SPOCK3: variants seen among roughly 807,000 people sequenced by gnomAD.
SPOCK3 encodes the protein SPARC (osteonectin), cwcv and kazal like domains proteoglycan 3.
A neutral mutation model predicts 56.6 loss-of-function variants in SPOCK3; 30 were observed. The ratio of observed to expected loss-of-function variants is 0.53; its 90% CI spans 0.40 to 0.72. SPOCK3 has a LOEUF of 0.72. SPOCK3 is among the 30% of genes least tolerant of loss of function. The pLI, the probability that SPOCK3 is intolerant of heterozygous loss-of-function variation, is 0.00. For missense variants in SPOCK3, 527 were observed against 530.0 expected, an observed-to-expected ratio of 0.99 and a Z score of 0.06; for synonymous variants, 196 against 183.3, an observed-to-expected ratio of 1.07 and a Z score of -0.56.
chr4:167,048,441 T>G (rs1410830801), intron 3 of SPOCK3, among the ~76,000 whole-genome samples: 1 of 152,124 alleles, frequency 6.6e-6, no homozygotes, highest in East Asian at 1.9e-4. Context: ...ATATATATTA[T>G]TACATAGTAT....
At chr4:167,062,301 CATG>C (rs1212953745) in intron 3 of SPOCK3, among the ~76,000 whole-genome samples, 188 bp downstream of exon 3, 19 of 151,814 alleles carry the variant, frequency 1.3e-4, no homozygotes, top group Admixed American at 3.3e-4. Flanking sequence ...CTGACATAAT[CATG>C]ATAACTAATT....
chr4:166,847,812 A>G (rs1438516968), intron 6 of SPOCK3, among the ~76,000 whole-genome samples: 2 of 151,554 alleles, frequency 1.3e-5, no homozygotes, highest in Non-Finnish European at 2.9e-5. Context: ...TCTATATACA[A>G]TGAAATAAAA....
At chr4:166,859,035 AC>A (rs1401518518) in intron 6 of SPOCK3, among the ~76,000 whole-genome samples, 1 of 152,294 alleles carries the variant, frequency 6.6e-6, no homozygotes, top group Non-Finnish European at 1.5e-5. Context: ...ACAATGCTTT[AC>A]CTTTTTTATC....
At chr4:166,764,396 T>C (rs1335054734) in intron 7 of SPOCK3, among the ~76,000 whole-genome samples, 1 of 152,036 alleles carries the variant, frequency 6.6e-6, no homozygotes, top group Non-Finnish European at 1.5e-5. Flanking sequence ...TGTGTCCAAG[T>C]GTTCTCATCG....
intron 2 of SPOCK3, among the ~76,000 whole-genome samples, chr4:167,073,030 A>G (rs1756833078): frequency 6.6e-6 from 1 of 151,730 alleles, no homozygotes. Flanking sequence ...ATATTTCCAT[A>G]TTTATTTTGC....
chr4:167,011,984 CCATT>C (rs1245531251), intron 3 of SPOCK3, among the ~76,000 whole-genome samples: 4 of 151,776 alleles, frequency 2.6e-5, no homozygotes, highest in Non-Finnish European at 5.9e-5. Context: ...TTTCTACTCT[CCATT>C]CATTCTTTTA....
At chr4:166,836,331 T>A (rs1746620835) in intron 6 of SPOCK3, among the ~76,000 whole-genome samples, 1 of 152,222 alleles carries the variant, frequency 6.6e-6, no homozygotes, top group East Asian at 1.9e-4. Context: ...ATCATTTTTT[T>A]CAGCTTTCTA....
chr4:167,212,959 G>A (rs148730927), intron 2 of SPOCK3, among the ~76,000 whole-genome samples: 65 of 152,242 alleles, frequency 4.3e-4, no homozygotes, highest in African/African-American at 1.5e-3. Context: ...ATTTGTCCAC[G>A]TGCCTTTAAG....
intron 4 of SPOCK3, among the ~76,000 whole-genome samples, chr4:166,925,180 T>C (rs927132016): frequency 6.6e-6 from 1 of 152,138 alleles, no homozygotes; most frequent in Non-Finnish European, 1.5e-5. Context: ...AATAAAACAT[T>C]TGTATGAACA....
rs952238662 is a variant in SPOCK3, at chr4:166,776,011, A to G, written c.709+16159T>C. ...GCCCCAAATGCTCAATAAAGGATAC[A>G]ACACATGAGGTAAAATTTGAAAATC... On this transcript the variant is annotated intron_variant, in intron 7 of 10. Transcript: ENST00000357545. Among the ~76,000 whole-genome samples, 9 of 152,320 alleles carry G rather than the reference A, an allele frequency of 5.9e-5. 1 individual carries two copies. The highest frequency in any genetic ancestry group is 2.2e-4 in the African/African-American group (9 of 41,586).
chr4:167,175,094 G>A lies in SPOCK3; in HGVS notation c.189+58891C>T, dbSNP rs559400683. On this transcript the variant is annotated intron_variant, in intron 2 of 10. Coordinates refer to ENST00000357545, the MANE Select transcript of SPOCK3 (RefSeq NM_001040159.2). ...GGATGCTCAAAATGATGTAGTAACC[G>A]CATACTTATGGGGACCTCATGGGAA... Among the ~76,000 whole-genome samples the A allele has an allele frequency of 1.4e-4, 22 of 152,198 alleles. 1 individual carries two copies. The highest frequency in any genetic ancestry group is 2.9e-4 in the African/African-American group (12 of 41,540).
chr4:167,121,203 A>C (rs1761838814), intron 2 of SPOCK3, among the ~76,000 whole-genome samples: 1 of 151,650 alleles, frequency 6.6e-6, no homozygotes. Flanking sequence ...GCAAATGATC[A>C]GAGCAGTTCC....
At chr4:167,204,781 G>A (rs1236941296) in intron 2 of SPOCK3, among the ~76,000 whole-genome samples, 3 of 151,732 alleles carry the variant, frequency 2.0e-5, no homozygotes, top group East Asian at 3.9e-4. Context: ...GGTGGGGGGC[G>A]ACGGGTCTTT....
At chr4:166,812,285 T>C (rs981546473) in intron 6 of SPOCK3, among the ~76,000 whole-genome samples, 3 of 151,944 alleles carry the variant, frequency 2.0e-5, no homozygotes, top group African/African-American at 7.2e-5. Flanking sequence ...CATTTAATAT[T>C]TGACTTACTT....
chr4:166,738,847 A>G (rs1270511081), intron 9 of SPOCK3, among the ~76,000 whole-genome samples: 1 of 151,426 alleles, frequency 6.6e-6, no homozygotes, highest in African/African-American at 2.4e-5. Context: ...TATGTGCCAC[A>G]TTTTCTTAAT....
At chr4:166,912,893 C>A in intron 4 of SPOCK3, 150 bp from the exon 5 acceptor site, 1 of 670,858 alleles carries the variant, frequency 1.5e-6, no homozygotes, top group Non-Finnish European at 2.3e-6. Context: ...TTATTTCATG[C>A]CATATTTTTC....
intron 2 of SPOCK3, among the ~76,000 whole-genome samples, chr4:167,068,319 T>A (rs975874144): frequency 6.6e-6 from 1 of 151,754 alleles, no homozygotes; most frequent in Non-Finnish European, 1.5e-5. Context: ...TGACTTCCAA[T>A]TTTATTTTCT....
At chr4:167,197,436 C>G (rs1334102551) in intron 2 of SPOCK3, among the ~76,000 whole-genome samples, 2 of 151,934 alleles carry the variant, frequency 1.3e-5, no homozygotes, top group Non-Finnish European at 2.9e-5. Flanking sequence ...GAAATTTAGG[C>G]TATTACTTAT....
At chr4:166,940,433 A>G (rs752543877) in intron 4 of SPOCK3, among the ~76,000 whole-genome samples, 5 of 152,144 alleles carry the variant, frequency 3.3e-5, no homozygotes, top group Non-Finnish European at 7.4e-5. Context: ...GGAAGTGACC[A>G]TGTTCTTGGG....
Sources: allele counts gnomAD v4.1 joint callset (sites outside exome capture counted in the v4.1 genomes callset), GRCh38; gene constraint gnomAD v4.1.1; transcripts MANE v1.5; gene names NCBI Gene and HGNC (gene_info 2026-07-23, HGNC 2026-07-21).